Variants in GMDS observed in about 807,000 individuals in gnomAD.
GMDS encodes GDP-mannose 4,6-dehydratase.
GMDS carries 20 observed loss-of-function variants against 49.9 expected under a neutral mutation model. The observed-to-expected ratio is 0.40, with a 90% CI of 0.28 to 0.58. GMDS has a LOEUF of 0.58. Ranked by LOEUF, GMDS falls within the 20% of genes least tolerant of loss-of-function variation. The pLI is 0.42. For missense variants in GMDS, 362 were observed against 481.4 expected (o/e 0.75, Z 2.32); for synonymous variants, 177 against 178.6 (o/e 0.99, Z 0.07).
At chr6:1,826,768 T>C (rs1771129874) in intron 7 of GMDS, among the ~76,000 whole-genome samples, 1 of 152,180 alleles carries the variant, frequency 6.6e-6, no homozygotes, top group African/African-American at 2.4e-5. Flanking sequence ...TTGTTTATTA[T>C]AATTTAACAA....
At chr6:1,701,439 T>C (rs1268948848) in intron 9 of GMDS, among the ~76,000 whole-genome samples, 3 of 152,212 alleles carry the variant, frequency 2.0e-5, no homozygotes, top group Non-Finnish European at 2.9e-5. Context: ...CCTGCTTACA[T>C]GTTTTCAAAA....
chr6:1,964,721 G>A (rs1223251567), intron 4 of GMDS, among the ~76,000 whole-genome samples: 1 of 152,154 alleles, frequency 6.6e-6, no homozygotes, highest in Non-Finnish European at 1.5e-5. Context: ...TGGGGTACAT[G>A]TGCACAGTGC....
intron 7 of GMDS, among the ~76,000 whole-genome samples, chr6:1,806,094 C>T (rs1242336843): frequency 6.6e-6 from 1 of 151,900 alleles, no homozygotes; most frequent in Non-Finnish European, 1.5e-5. Context: ...GCCTGGGCAA[C>T]ATAGTGAGAC....
intron 4 of GMDS, among the ~76,000 whole-genome samples, chr6:1,961,447 G>A (rs541713405): frequency 8.5e-5 from 13 of 152,180 alleles, no homozygotes; most frequent in Admixed American, 5.9e-4. Flanking sequence ...CTATTCTAAA[G>A]GTACAATAAT....
rs1369220543 is a variant in GMDS, at chr6:1,676,513, C to T, written c.987+49903G>A. ...AAAAAGAACAAAGCTGGAGGCATCA[C>T]ACTACCTGACTTCAAACTATACTGC... On this transcript the variant is annotated intron_variant, in intron 9 of 10. Coordinates refer to ENST00000380815, the MANE Select transcript of GMDS (RefSeq NM_001500.4). Among the ~76,000 whole-genome samples, 12 of 152,214 alleles carry T rather than the reference C, an allele frequency of 7.9e-5. 1 individual carries two copies. The highest frequency in any genetic ancestry group is 6.5e-4 in the Admixed American group (10 of 15,276).
intron 9 of GMDS, among the ~76,000 whole-genome samples, chr6:1,648,379 T>C (rs1401380585): frequency 1.3e-5 from 2 of 152,246 alleles, no homozygotes; most frequent in East Asian, 3.8e-4. Context: ...CTTTCTGATG[T>C]AGCTGCCCAC....
At chr6:1,780,638 C>T (rs1054806004) in intron 7 of GMDS, among the ~76,000 whole-genome samples, 34 of 152,306 alleles carry the variant, frequency 2.2e-4, no homozygotes, top group Admixed American at 3.9e-4. Context: ...AGCTGGCTCC[C>T]GCGCTGCTCT....
chr6:1,908,811 G>A (rs1056136254), intron 7 of GMDS, among the ~76,000 whole-genome samples: 1 of 152,214 alleles, frequency 6.6e-6, no homozygotes, highest in African/African-American at 2.4e-5. Context: ...ATATGTTTAT[G>A]TAGCTAAAGA....
intron 1 of GMDS, among the ~76,000 whole-genome samples, chr6:2,129,423 T>C (rs992321299): frequency 9.9e-5 from 15 of 152,226 alleles, no homozygotes; most frequent in African/African-American, 3.6e-4. Flanking sequence ...TGTGAGAACC[T>C]GGCCCCTCTG....
intron 4 of GMDS, among the ~76,000 whole-genome samples, chr6:1,980,505 T>C (rs1239920254): frequency 1.3e-5 from 2 of 151,556 alleles, no homozygotes; most frequent in African/African-American, 4.8e-5. Flanking sequence ...CTAACTGTCT[T>C]ACATATACAA....
rs948534933 is a variant in GMDS at position 1,931,218 on chromosome 6, T to C, written c.644-988A>G. On this transcript the variant is annotated intron_variant, in intron 6 of 10. Transcript: ENST00000380815. ...ATGATTTATCACATACCAATGACTTTAACTATGTTCTTTTGCAGATGAAGC... is the reference window on the plus strand; with the variant it reads ...ATGATTTATCACATACCAATGACTTCAACTATGTTCTTTTGCAGATGAAGC... 5.3e-5 allele frequency among the ~76,000 whole-genome samples: 8 copies of C among 152,232 alleles called. 1 individual carries two copies. In the Middle Eastern group the frequency reaches 0.02, roughly 388 times the overall value.
At chr6:2,095,619 A>G (rs1773554199) in intron 4 of GMDS, among the ~76,000 whole-genome samples, 1 of 152,208 alleles carries the variant, frequency 6.6e-6, no homozygotes, top group Non-Finnish European at 1.5e-5. Context: ...TCGGTGTTGC[A>G]GAATCAGTGA....
At chr6:1,657,982 G>A (rs1269868589) in intron 9 of GMDS, among the ~76,000 whole-genome samples, 2 of 152,114 alleles carry the variant, frequency 1.3e-5, no homozygotes, top group Non-Finnish European at 2.9e-5. Flanking sequence ...GGCCTGCCTT[G>A]CGTAGCGCCG....
At chr6:2,038,706 CAT>C (rs76337806) in intron 4 of GMDS, among the ~76,000 whole-genome samples, 31,917 of 151,992 alleles carry the variant, frequency 0.21, 3,697 homozygotes, top group Non-Finnish European at 0.25. Flanking sequence ...TGCTGAGTAA[CAT>C]AAGCACATAA....
At chr6:2,185,511 C>G (rs1188255402) in intron 1 of GMDS, among the ~76,000 whole-genome samples, 1 of 152,188 alleles carries the variant, frequency 6.6e-6, no homozygotes, top group African/African-American at 2.4e-5. Flanking sequence ...AGTTAAACAT[C>G]TTCAACGAGT....
chr6:1,905,404 C>G (rs905495370), intron 7 of GMDS, among the ~76,000 whole-genome samples: 3 of 146,028 alleles, frequency 2.1e-5, no homozygotes, highest in Non-Finnish European at 4.5e-5. Context: ...GTAGGTGGGA[C>G]CTCAAAGGTG....
intron 4 of GMDS, chr6:2,043,262 T>C (rs2127429745): frequency 6.6e-6 from 1 of 152,394 alleles, no homozygotes; most frequent in East Asian, 1.9e-4. Context: ...ATCCTCAGTT[T>C]TCCTGTCCCT....
intron 9 of GMDS, chr6:1,624,833 T>C (rs1412305036): frequency 1.1e-4 from 23 of 204,692 alleles, no homozygotes; most frequent in Non-Finnish European, 1.1e-4. Context: ...AATGCTTTTT[T>C]TTTTTTTTTT....
At chr6:1,889,699 C>G (rs769186814) in intron 7 of GMDS, among the ~76,000 whole-genome samples, 1 of 152,174 alleles carries the variant, frequency 6.6e-6, no homozygotes, top group Non-Finnish European at 1.5e-5. Context: ...GTCACACAAC[C>G]ATTACCACGA....
Sources: gnomAD v4.1 joint callset for allele counts (sites outside exome capture counted in the v4.1 genomes callset) on GRCh38, gnomAD v4.1.1 for gene constraint, MANE v1.5 for transcripts, NCBI Gene and HGNC (gene_info 2026-07-23, HGNC 2026-07-21) for gene names.